The following NSG2 variants were observed in gnomAD, a reference collection of about 807,000 sequenced individuals.
NSG2 encodes neuronal vesicle trafficking associated 2.
Under a neutral mutation model 16.9 loss-of-function variants are expected in NSG2, and 4 were observed. The ratio of observed to expected loss-of-function variants is 0.24; its 90% CI spans 0.12 to 0.54. The LOEUF is 0.54. Among genes scored for constraint, NSG2 ranks in the 20% least tolerant of loss-of-function variants. NSG2 has a pLI of 0.95. For synonymous variants in NSG2, 98 were observed against 88.7 expected (o/e 1.11, Z -0.59); for missense variants, 179 against 221.1 (o/e 0.81, Z 1.21).
Position 174,050,268 on chromosome 5 carries a change from A to G in NSG2, c.129+3384A>G, listed in dbSNP as rs572000347. On this transcript the variant is annotated intron_variant, in intron 2 of 4. Coordinates refer to ENST00000303177, the MANE Select transcript of NSG2 (RefSeq NM_015980.5). ...TTTTTGAAAATGTAAAATACAGAGT[A>G]TGCTTGTAATACTGAAAATCAGTAT... Among the ~76,000 whole-genome samples, 48 of 152,334 alleles carry G rather than the reference A, an allele frequency of 3.2e-4. No individual in the cohort carries two copies. In the South Asian group the frequency reaches 7.9e-3, roughly 25 times the overall value.
intron 1 of NSG2, chr5:174,046,112 C>G (rs1759791338): frequency 6.6e-6 from 1 of 151,630 alleles, no homozygotes; most frequent in African/African-American, 2.4e-5. Flanking sequence ...AAAAAATGGC[C>G]CTTCGCTATT....
chr5:174,086,987 C>T (rs946760491), intron 3 of NSG2, among the ~76,000 whole-genome samples: 1 of 152,234 alleles, frequency 6.6e-6, no homozygotes, highest in African/African-American at 2.4e-5. Flanking sequence ...TCTGGCTCTA[C>T]ACCCAGGAAT....
At chr5:174,071,056 C>T (rs896183782) in intron 3 of NSG2, among the ~76,000 whole-genome samples, 5 of 152,162 alleles carry the variant, frequency 3.3e-5, no homozygotes, top group Admixed American at 1.3e-4. Flanking sequence ...TGGGAAGGAT[C>T]CTGGGAATGC....
Position 174,081,907 on chromosome 5 carries a change from A to AAG in NSG2, c.213+17600_213+17601dup, listed in dbSNP as rs1298025775. Among the ~76,000 whole-genome samples, 28 of 148,732 alleles carry AAG rather than the reference A, an allele frequency of 1.9e-4. No individual in the cohort carries two copies. The South Asian group carries it at 2.1e-3, about 11-fold the overall frequency. Reference sequence around the variant, plus strand: ...CGACTCAAAAAAAAAAAAAAAAAAAAAGAGAGAGAATGTACATGCATTTTT... The same window carrying AAG: ...CGACTCAAAAAAAAAAAAAAAAAAAAAGAGAGAGAGAATGTACATGCATTTTT... On this transcript the variant is annotated intron_variant, in intron 3 of 4. Coordinates refer to ENST00000303177, the MANE Select transcript of NSG2 (RefSeq NM_015980.5).
intron 2 of NSG2, among the ~76,000 whole-genome samples, chr5:174,053,453 A>G (rs1029878956): frequency 2.0e-5 from 3 of 152,130 alleles, no homozygotes; most frequent in African/African-American, 4.8e-5. Context: ...AAGGGGACCT[A>G]TGGCTGTCAC....
intron 3 of NSG2, among the ~76,000 whole-genome samples, chr5:174,098,041 G>A (rs1253593237): frequency 6.6e-6 from 1 of 152,104 alleles, no homozygotes; most frequent in East Asian, 1.9e-4. Context: ...AGGGGTGATG[G>A]GGATGCAGTG....
At chr5:174,083,701 C>T (rs904782671) in intron 3 of NSG2, among the ~76,000 whole-genome samples, 1 of 152,132 alleles carries the variant, frequency 6.6e-6, no homozygotes. Context: ...AGTTAAACAC[C>T]CACACTCCAA....
intron 3 of NSG2, among the ~76,000 whole-genome samples, chr5:174,098,120 T>C (rs1048989997): frequency 7.2e-5 from 11 of 152,098 alleles, no homozygotes; most frequent in Non-Finnish European, 1.3e-4. Flanking sequence ...GGTTCAGGGC[T>C]GGAGCTGAAT....
chr5:174,062,624 C>T (rs2113432570), intron 2 of NSG2: 1 of 152,242 alleles, frequency 6.6e-6, no homozygotes, highest in Admixed American at 6.5e-5. Flanking sequence ...GCAGAATTTC[C>T]ATCCAGAAAT....
chr5:174,074,309 G>A (rs10076324), intron 3 of NSG2, among the ~76,000 whole-genome samples: 3,143 of 152,270 alleles, frequency 0.021, 120 homozygotes, highest in African/African-American at 0.071. Context: ...ACTGTGGCTC[G>A]ATAAACGTGA....
Position 174,046,815 on chromosome 5 carries a change from T to G in NSG2, c.60T>G (p.Asp20Glu). The G allele has an allele frequency of 6.2e-7, 1 of 1,614,126 alleles. No homozygotes were observed. Among genetic ancestry groups the G allele is most frequent in the Non-Finnish European group, 8.5e-7 (1 of 1,179,994 alleles). Reference sequence around the variant, plus strand: ...GAACCAAGCCGCCTTCAGTTGAGGATGGCTTCCAGACCGTCCCTCTCATCA... The same window carrying G: ...GAACCAAGCCGCCTTCAGTTGAGGAGGGCTTCCAGACCGTCCCTCTCATCA... ...EKGTKPPSVE[D>E]GFQTVPLITP... Residue 20 changes from aspartate to glutamate, a missense_variant, in exon 2 of 5, where the codon GAT becomes GAG. Asp to Glu is a conservative substitution (Grantham distance 45). Transcript: ENST00000303177.
chr5:174,047,652 G>A (rs1254052009), intron 2 of NSG2, among the ~76,000 whole-genome samples: 1 of 152,184 alleles, frequency 6.6e-6, no homozygotes, highest in African/African-American at 2.4e-5. Context: ...AGTGTCTTTT[G>A]GGGAGGCGTG....
At chr5:174,098,186 C>G (rs1760836544) in intron 3 of NSG2, among the ~76,000 whole-genome samples, 1 of 152,104 alleles carries the variant, frequency 6.6e-6, no homozygotes. Context: ...CAGGCCTGGC[C>G]CAAGGCCCAG....
At position 174,088,309 on chromosome 5, in the gene NSG2, C is replaced by T. The variant is rs116188381; in HGVS notation, c.214-15919C>T. 8.1e-3 allele frequency among the ~76,000 whole-genome samples: 1,232 copies of T among 152,256 alleles called. 11 individuals carry two copies. The highest frequency in any genetic ancestry group is 0.025 in the African/African-American group (1,036 of 41,536). ...TGGTAATAGTGGGAGAAGCTGCAGG[C>T]GGAGAGTCCGTCTGTCCCCAGAGGC... On this transcript the variant is annotated intron_variant, in intron 3 of 4. Coordinates refer to ENST00000303177, the MANE Select transcript of NSG2 (RefSeq NM_015980.5).
chr5:174,052,481 C>G (rs1759904441), intron 2 of NSG2, among the ~76,000 whole-genome samples: 1 of 152,202 alleles, frequency 6.6e-6, no homozygotes, highest in Non-Finnish European at 1.5e-5. Flanking sequence ...GATCCCCTCT[C>G]TTGCCTAGCT....
chr5:174,089,315 G>A (rs891160934), intron 3 of NSG2, among the ~76,000 whole-genome samples: 7 of 152,242 alleles, frequency 4.6e-5, no homozygotes, highest in African/African-American at 9.6e-5. Flanking sequence ...GCCCACCTTC[G>A]CCCCAAAGAG....
chr5:174,077,626 C>T (rs533415592), intron 3 of NSG2, among the ~76,000 whole-genome samples: 12 of 152,312 alleles, frequency 7.9e-5, no homozygotes, highest in African/African-American at 2.9e-4. Context: ...ACCTCCTTTC[C>T]TAGTAGCTGC....
chr5:174,066,502 T>C (rs1313452919), intron 3 of NSG2, among the ~76,000 whole-genome samples: 1 of 152,246 alleles, frequency 6.6e-6, no homozygotes, highest in East Asian at 1.9e-4. Context: ...AACACATCCA[T>C]ATGATGAACT....
At chr5:174,062,455 G>C in intron 2 of NSG2, 1 of 152,182 alleles carries the variant, frequency 6.6e-6, no homozygotes, top group Non-Finnish European at 1.5e-5. Flanking sequence ...CTTTGGCCTA[G>C]TGGGTAGGAA....
Sources: allele counts gnomAD v4.1 joint callset (sites outside exome capture counted in the v4.1 genomes callset), GRCh38; gene constraint gnomAD v4.1.1; transcripts MANE v1.5; gene names NCBI Gene and HGNC (gene_info 2026-07-23, HGNC 2026-07-21).